Variants in RTTN observed in about 807,000 individuals in gnomAD.
The protein encoded by RTTN is rotatin.
In RTTN, 182 loss-of-function variants were observed where a neutral mutation model predicts 269.2. The ratio of observed to expected loss-of-function variants is 0.68; its 90% CI spans 0.60 to 0.76. The LOEUF is 0.76. RTTN is among the 30% of genes least tolerant of loss of function. The pLI is 0.00. For missense variants in RTTN, 2,545 were observed against 2,608.6 expected, an observed-to-expected ratio of 0.98 and a Z score of 0.53; for synonymous variants, 1,006 against 963.5, an observed-to-expected ratio of 1.04 and a Z score of -0.82.
intron 40 of RTTN, among the ~76,000 whole-genome samples, chr18:70,039,373 A>G (rs1271551733): frequency 6.6e-6 from 1 of 152,008 alleles, no homozygotes; most frequent in Admixed American, 6.5e-5. Context: ...ACAGGTCACG[A>G]GAGAGTGGCA....
chr18:70,015,601 C>T (rs1323157378), intron 46 of RTTN, among the ~76,000 whole-genome samples: 1 of 152,138 alleles, frequency 6.6e-6, no homozygotes, highest in South Asian at 2.1e-4. Context: ...CTTACCCCTG[C>T]CTGAAAAGCC....
chr18:70,147,520 A>G (rs941222375), intron 17 of RTTN, among the ~76,000 whole-genome samples: 39 of 152,140 alleles, frequency 2.6e-4, no homozygotes, highest in Admixed American at 2.5e-3. Flanking sequence ...CATCCATGTC[A>G]TTAAGCAACG....
intron 35 of RTTN, among the ~76,000 whole-genome samples, chr18:70,060,386 G>A (rs781753475): frequency 6.6e-5 from 10 of 152,090 alleles, no homozygotes; most frequent in African/African-American, 1.9e-4. Context: ...TCTGAAACTC[G>A]AGGGGCCAAA....
At chr18:70,057,949 T>C in intron 36 of RTTN, 117 bp from the exon 37 acceptor site, 4 of 599,288 alleles carry the variant, frequency 6.7e-6, no homozygotes, top group Non-Finnish European at 1.1e-5. Context: ...AGAAAGGATC[T>C]TTATAAGCAA....
chr18:70,161,042 C>A (rs1430518230), intron 14 of RTTN, among the ~76,000 whole-genome samples: 2 of 152,080 alleles, frequency 1.3e-5, no homozygotes, highest in African/African-American at 2.4e-5. Flanking sequence ...ATAGCCAAAG[C>A]AAACTTAAGC....
Position 70,188,097 on chromosome 18 carries a change from T to C in RTTN, c.1305+11A>G, listed in dbSNP as rs547572919. 1.7e-5 allele frequency: 25 copies of C among 1,481,474 alleles called. No individual in the cohort carries two copies. The highest frequency in any genetic ancestry group is 1.4e-4 in the African/African-American group (10 of 72,158). 91.8% of individuals were successfully genotyped at this position (1,481,474 alleles called of 1,614,324 possible). On this transcript the variant is annotated intron_variant, in intron 10 of 48. Transcript: ENST00000640769. Reference sequence around the variant, plus strand: ...TATTCCCTATATCCCAAAGAAAACATTGATTCTTACCATATCTATACCAAA... The same window carrying C: ...TATTCCCTATATCCCAAAGAAAACACTGATTCTTACCATATCTATACCAAA...
At chr18:70,158,681 T>C (rs567863780) in intron 14 of RTTN, among the ~76,000 whole-genome samples, 6 of 152,046 alleles carry the variant, frequency 3.9e-5, no homozygotes, top group Non-Finnish European at 8.8e-5. Flanking sequence ...GACCCAACTA[T>C]ATGCTGTCAA....
At chr18:70,158,452 A>T (rs1249416598) in intron 14 of RTTN, among the ~76,000 whole-genome samples, 4 of 152,196 alleles carry the variant, frequency 2.6e-5, no homozygotes, top group Non-Finnish European at 4.4e-5. Context: ...TGGAGTGCTA[A>T]AAAAGGAAGC....
At position 70,086,634 on chromosome 18, in the gene RTTN, A is replaced by C; in HGVS notation, c.4353T>G (p.Ile1451Met). ...CCACCTGCCAAGTATAATCCTTTAT[A>C]ATTTCTGTAGGCATTGGAATTACAA... is the stretch of plus-strand genomic sequence containing the variant. ...NLLVIPMPTE[I>M]IKDYTWQGPC... Residue 1451 changes from isoleucine (I) to methionine (M), a missense_variant, in exon 32 of 49, where the codon ATT becomes ATG. By Grantham distance (10) the Ile-to-Met change is conservative. Coordinates refer to ENST00000640769, the MANE Select transcript of RTTN (RefSeq NM_173630.4). 1.3e-6 allele frequency: 2 copies of C among 1,589,740 alleles called. No homozygotes were observed. The highest frequency in any genetic ancestry group is 2.3e-5 in the South Asian group (2 of 86,984).
At chr18:70,201,476 C>T (rs1256654666) in intron 4 of RTTN, among the ~76,000 whole-genome samples, 33 of 150,722 alleles carry the variant, frequency 2.2e-4, no homozygotes, top group African/African-American at 6.8e-4. Context: ...GGCGTAGTGG[C>T]GGGCGCCTGT....
chr18:70,121,674 G>A lies in RTTN; in HGVS notation c.3410C>T (p.Thr1137Ile), dbSNP rs1014082845. The A allele has an allele frequency of 6.4e-7, 1 of 1,560,892 alleles. No individual in the cohort carries two copies. Among genetic ancestry groups the A allele is most frequent in the South Asian group, 1.2e-5 (1 of 82,198 alleles). The change falls in exon 26 of 49, where the codon ACT (threonine) becomes ATT (isoleucine). Residue 1137 changes from threonine (T) to isoleucine (I), a missense_variant. Thr to Ile is a moderately conservative substitution (Grantham distance 89, BLOSUM62 -1). Transcript: ENST00000640769. ...ATCTATTAGCAGTTTCTCATCTTCA[G>A]TGCAAGCAGGAAGCACCTGTAAAAA... The part of the protein sequence containing the change: ...NRFLQVLPAC[T>I]EDEKLLIDII...
Position 70,092,876 on chromosome 18 carries a change from T to A in RTTN, c.3904-72A>T, listed in dbSNP as rs555616229. The A allele has an allele frequency of 1.7e-4, 230 of 1,329,430 alleles. 6 individuals carry two copies. The South Asian group carries it at 3.9e-3, about 22-fold the overall frequency. The allele number at this position is 1,329,430 out of a possible 1,614,324, so 82.4% of individuals were successfully genotyped here. On this transcript the variant is annotated intron_variant, in intron 28 of 48. Transcript: ENST00000640769. ...GTATATAAAGATAAATATATAACTG[T>A]CTACTGACTTGTATGAATTGAATCC...
At chr18:70,088,177 T>C in intron 30 of RTTN, 30 bp from the exon 31 acceptor site, 1 of 1,578,988 alleles carries the variant, frequency 6.3e-7, no homozygotes, top group South Asian at 1.2e-5. Flanking sequence ...AGTTGTTGAA[T>C]CAAATAAGCC....
chr18:70,009,912 G>GA (rs913712630), intron 46 of RTTN, among the ~76,000 whole-genome samples: 12 of 147,742 alleles, frequency 8.1e-5, no homozygotes, highest in African/African-American at 2.7e-4. Flanking sequence ...AAGCAGGGGA[G>GA]AAAAAAAAAG....
intron 39 of RTTN, among the ~76,000 whole-genome samples, chr18:70,049,495 G>A (rs1337464969): frequency 2.0e-5 from 3 of 152,018 alleles, no homozygotes; most frequent in Non-Finnish European, 4.4e-5. Context: ...TCTGTTCCTT[G>A]TTAAACATGC....
intron 18 of RTTN, 24 bp from the exon 19 acceptor site, chr18:70,142,411 A>AAAAAAAAAAC: frequency 9.8e-7 from 1 of 1,015,248 alleles, no homozygotes; most frequent in Non-Finnish European, 1.5e-6. Flanking sequence ...AAAAAAAAAA[A>AAAAAAAAAAC]CCAAAATTAC....
intron 28 of RTTN, among the ~76,000 whole-genome samples, chr18:70,107,872 G>A (rs1311185552): frequency 6.6e-6 from 1 of 152,196 alleles, no homozygotes; most frequent in African/African-American, 2.4e-5. Flanking sequence ...TACCTTCACA[G>A]TAACAAATTT....
At chr18:70,026,319 G>C (rs1362801289) in intron 43 of RTTN, among the ~76,000 whole-genome samples, 10 of 152,150 alleles carry the variant, frequency 6.6e-5, no homozygotes, top group Non-Finnish European at 1.2e-4. Context: ...CCCAGTGCTA[G>C]AGGTGAGGCC....
chr18:70,052,976 T>C (rs1431467000), intron 38 of RTTN, among the ~76,000 whole-genome samples: 3 of 152,160 alleles, frequency 2.0e-5, no homozygotes, highest in Admixed American at 6.5e-5. Flanking sequence ...GCTCAAATCA[T>C]ACAGAAAAGC....
Sources: allele counts gnomAD v4.1 joint callset (sites outside exome capture counted in the v4.1 genomes callset), GRCh38; gene constraint gnomAD v4.1.1; transcripts MANE v1.5; gene names NCBI Gene and HGNC (gene_info 2026-07-23, HGNC 2026-07-21).